The following RNF180 variants were observed in gnomAD, a reference collection of about 807,000 sequenced individuals.
RNF180 encodes the protein E3 ubiquitin-protein ligase RNF180.
Under a neutral mutation model 59.2 loss-of-function variants are expected in RNF180, and 38 were observed. That is an observed-to-expected ratio of 0.64 (90% CI 0.50 to 0.84). RNF180 has a LOEUF of 0.84. Among genes scored for constraint, RNF180 ranks in the 40% least tolerant of loss-of-function variants. The pLI is 0.00. For synonymous variants in RNF180, 262 were observed against 240.3 expected, an observed-to-expected ratio of 1.09 and a Z score of -0.84; for missense variants, 705 against 700.9, an observed-to-expected ratio of 1.01 and a Z score of -0.07.
At chr5:64,323,183 G>C (rs1371033472) in intron 5 of RNF180, among the ~76,000 whole-genome samples, 1 of 152,044 alleles carries the variant, frequency 6.6e-6, no homozygotes, top group Non-Finnish European at 1.5e-5. Context: ...GTTCAGAAGG[G>C]GGAGATTACA....
intron 1 of RNF180, among the ~76,000 whole-genome samples, chr5:64,185,871 A>G (rs188379365): frequency 6.6e-6 from 1 of 152,328 alleles, no homozygotes; most frequent in Admixed American, 6.5e-5. Context: ...TAACAGATGA[A>G]CAAAGGTATC....
chr5:64,294,172 T>G (rs763824811), intron 5 of RNF180, among the ~76,000 whole-genome samples: 3 of 152,136 alleles, frequency 2.0e-5, no homozygotes, highest in Admixed American at 6.6e-5. Flanking sequence ...AATGGTACAT[T>G]TAAAAATAAT....
intron 7 of RNF180, among the ~76,000 whole-genome samples, chr5:64,339,317 T>C (rs1745264379): frequency 6.6e-6 from 1 of 152,192 alleles, no homozygotes; most frequent in South Asian, 2.1e-4. Flanking sequence ...CTAAGTCAGT[T>C]TGCATCCTTT....
intron 7 of RNF180, among the ~76,000 whole-genome samples, chr5:64,350,042 A>C (rs1314270521): frequency 6.6e-6 from 1 of 152,176 alleles, no homozygotes; most frequent in African/African-American, 2.4e-5. Flanking sequence ...ACAGTGTAAA[A>C]GTGTTCCTAT....
intron 1 of RNF180, among the ~76,000 whole-genome samples, chr5:64,177,565 A>ATATT (rs1184255289): frequency 7.8e-6 from 1 of 128,058 alleles, no homozygotes; most frequent in East Asian, 2.3e-4. Context: ...ATATATATAT[A>ATATT]TGTATTTATT....
intron 1 of RNF180, among the ~76,000 whole-genome samples, chr5:64,166,482 G>A (rs1046601703): frequency 6.6e-6 from 1 of 152,158 alleles, no homozygotes; most frequent in African/African-American, 2.4e-5. Context: ...CCTTGGGTCC[G>A]GAGTGTACGA....
At chr5:64,235,104 C>T (rs1051011070) in intron 5 of RNF180, among the ~76,000 whole-genome samples, 1 of 152,008 alleles carries the variant, frequency 6.6e-6, no homozygotes, top group African/African-American at 2.4e-5. Flanking sequence ...TACCAAGACC[C>T]AGTTTCTACA....
chr5:64,280,750 T>C (rs974125249), intron 5 of RNF180, among the ~76,000 whole-genome samples: 1 of 152,198 alleles, frequency 6.6e-6, no homozygotes, highest in East Asian at 1.9e-4. Context: ...TCCAGCTTTG[T>C]ACCCTTTGCT....
intron 7 of RNF180, among the ~76,000 whole-genome samples, chr5:64,342,629 T>G (rs1745399124): frequency 6.6e-6 from 1 of 152,038 alleles, no homozygotes; most frequent in Admixed American, 6.6e-5. Flanking sequence ...TTAAGATATA[T>G]CTCATATTTT....
In RNF180 at chr5:64,286,268, A is replaced by G. The variant is rs766706974; in HGVS notation, c.1228-38918A>G. Among the ~76,000 whole-genome samples, 14 of 152,368 alleles carry G rather than the reference A, an allele frequency of 9.2e-5. No homozygotes were observed. In the South Asian group the frequency reaches 2.1e-3, roughly 23 times the overall value. On this transcript the variant is annotated intron_variant, in intron 5 of 7. Transcript: ENST00000389100. The stretch of plus-strand genomic sequence containing the variant: ...ATTTGAAGTTTTTGTAACCAGAACT[A>G]TGGAGAACCTTGAAGGTGCCAGGCT...
intron 4 of RNF180, among the ~76,000 whole-genome samples, chr5:64,215,803 A>G (rs1436275965): frequency 6.6e-6 from 1 of 152,164 alleles, no homozygotes; most frequent in Admixed American, 6.5e-5. Context: ...AGCAAATAGA[A>G]ATGAAAAAGA....
intron 1 of RNF180, among the ~76,000 whole-genome samples, chr5:64,190,639 A>C (rs1164651109): frequency 6.6e-6 from 1 of 152,020 alleles, no homozygotes. Context: ...CCCAATTTGG[A>C]GATAAGGTTT....
intron 7 of RNF180, 24 bp downstream of exon 7, chr5:64,330,430 A>C (rs1561265735): frequency 1.3e-6 from 2 of 1,525,150 alleles, no homozygotes; most frequent in Non-Finnish European, 1.8e-6. Flanking sequence ...ACGCCAAAAA[A>C]AAAGTCTGGT....
rs1295596887 is a variant in RNF180 at position 64,325,186 on chromosome 5, A to G, written c.1228A>G (p.Thr410Ala). The change falls in exon 6 of 8, where the codon ACT (threonine) becomes GCT (alanine). Residue 410 changes from threonine (T) to alanine (A), a missense_variant and splice_region_variant. Transcript: ENST00000389100. ...AAAAAAGTTTTCTTATGTTTTGCAG[A>G]CTTTGAATAATGAGATGAGTACAGA... is the stretch of plus-strand genomic sequence containing the variant. The part of the protein sequence containing the change: ...YSGVGLLDHM[T>A]LNNEMSTDED... 4.0e-5 allele frequency: 62 copies of G among 1,543,104 alleles called. No individual in the cohort carries two copies. The highest frequency in any genetic ancestry group is 5.4e-5 in the Non-Finnish European group (62 of 1,139,342).
At chr5:64,367,211 C>T (rs917229765) in intron 7 of RNF180, among the ~76,000 whole-genome samples, 5 of 151,416 alleles carry the variant, frequency 3.3e-5, no homozygotes, top group Non-Finnish European at 7.4e-5. Context: ...GTAGGAAATG[C>T]TTAGGGGAGT....
intron 6 of RNF180, among the ~76,000 whole-genome samples, chr5:64,326,156 T>A (rs1295412119): frequency 6.6e-6 from 1 of 152,044 alleles, no homozygotes; most frequent in Non-Finnish European, 1.5e-5. Context: ...AGAATAAATA[T>A]ATGGTGCGTC....
chr5:64,316,043 G>A (rs145857584), intron 5 of RNF180, among the ~76,000 whole-genome samples: 212 of 152,160 alleles, frequency 1.4e-3, no homozygotes, highest in African/African-American at 5.0e-3. Flanking sequence ...TGCCAACACA[G>A]TGAAAAGGGC....
intron 7 of RNF180, among the ~76,000 whole-genome samples, chr5:64,348,451 A>T (rs1249659699): frequency 1.9e-4 from 29 of 152,214 alleles, no homozygotes. Flanking sequence ...GTTAATATTC[A>T]CTTTTAAAAG....
chr5:64,213,627 A>C lies in RNF180; in HGVS notation c.301A>C (p.Ser101Arg), dbSNP rs780361444. The change falls in exon 4 of 8, where the codon AGC (serine) becomes CGC (arginine). Residue 101 changes from serine to arginine, a missense_variant. Physicochemically the swap from Ser to Arg is moderately radical, Grantham distance 110. Coordinates refer to ENST00000389100, the MANE Select transcript of RNF180 (RefSeq NM_001113561.2). ...CCGTTTAGGGGGCTTTAATTTTGTC[A>C]GCACTCCAAAATGTTCCTGTGGCCA... The part of the protein sequence containing the change: ...GARLGGFNFV[S>R]TPKCSCGQLA... 2 of 1,614,126 alleles carry C rather than the reference A, an allele frequency of 1.2e-6. No homozygotes were observed. The highest frequency in any genetic ancestry group is 8.5e-7 in the Non-Finnish European group (1 of 1,179,980).
Sources: allele counts gnomAD v4.1 joint callset (sites outside exome capture counted in the v4.1 genomes callset), GRCh38; gene constraint gnomAD v4.1.1; transcripts MANE v1.5; gene names NCBI Gene and HGNC (gene_info 2026-07-23, HGNC 2026-07-21).